ZMAT4: variants seen among roughly 807,000 people sequenced by gnomAD.
ZMAT4 encodes zinc finger matrin-type protein 4.
ZMAT4 carries 17 observed loss-of-function variants against 28.7 expected under a neutral mutation model. The observed-to-expected ratio is 0.59, with a 90% CI of 0.41 to 0.89. The LOEUF is 0.89. Among genes scored for constraint, ZMAT4 ranks in the 40% least tolerant of loss-of-function variants. The pLI, the probability that ZMAT4 is intolerant of heterozygous loss-of-function variation, is 0.00. For synonymous variants in ZMAT4, 117 were observed against 109.2 expected, an observed-to-expected ratio of 1.07 and a Z score of -0.44; for missense variants, 240 against 283.8, an observed-to-expected ratio of 0.85 and a Z score of 1.11.
At chr8:40,866,483 C>T (rs1817680956) in intron 1 of ZMAT4, among the ~76,000 whole-genome samples, 2 of 152,248 alleles carry the variant, frequency 1.3e-5, no homozygotes, top group South Asian at 2.1e-4. Flanking sequence ...CTTAATAACG[C>T]TGCCCTGATT....
At position 40,737,661 on chromosome 8, in the gene ZMAT4, G is replaced by A. The variant is rs111823174; in HGVS notation, c.192+29980C>T. On this transcript the variant is annotated intron_variant, in intron 3 of 6. Transcript: ENST00000297737. ...CATGTGAGCGGGACGTAAATGAGAT[G>A]AGAAGCCTGCGTAAACTTGCTCAAG... Among the ~76,000 whole-genome samples, 1,012 of 152,288 alleles carry A rather than the reference G, an allele frequency of 6.6e-3. 8 individuals carry two copies. The highest frequency in any genetic ancestry group is 0.023 in the African/African-American group (968 of 41,554).
chr8:40,858,556 C>T (rs73619271), intron 1 of ZMAT4, among the ~76,000 whole-genome samples: 1,738 of 152,300 alleles, frequency 0.011, 37 homozygotes, highest in African/African-American at 0.039. Context: ...AAGATGGCTT[C>T]ATTTCTTTGG....
At chr8:40,752,393 TG>T (rs1812488151) in intron 3 of ZMAT4, among the ~76,000 whole-genome samples, 1 of 152,214 alleles carries the variant, frequency 6.6e-6, no homozygotes, top group Non-Finnish European at 1.5e-5. Context: ...AACAAGAGTT[TG>T]CCCAGTCCCT....
At chr8:40,895,895 G>T (rs1818852649) in intron 1 of ZMAT4, among the ~76,000 whole-genome samples, 1 of 152,208 alleles carries the variant, frequency 6.6e-6, no homozygotes, top group African/African-American at 2.4e-5. Flanking sequence ...CCCTGGAGAG[G>T]CCACAGAGGA....
At chr8:40,534,000 C>T (rs753568631) in intron 6 of ZMAT4, among the ~76,000 whole-genome samples, 13 of 151,906 alleles carry the variant, frequency 8.6e-5, no homozygotes, top group Non-Finnish European at 1.6e-4. Context: ...AGCATCTTCA[C>T]GTAACAGTAA....
intron 1 of ZMAT4, among the ~76,000 whole-genome samples, chr8:40,855,968 G>A (rs898863628): frequency 3.3e-5 from 5 of 151,738 alleles, no homozygotes; most frequent in East Asian, 1.9e-4. Context: ...TGGGATTACC[G>A]GCATGAGCAA....
chr8:40,538,070 C>T (rs752766840), intron 6 of ZMAT4, among the ~76,000 whole-genome samples: 1 of 152,160 alleles, frequency 6.6e-6, no homozygotes, highest in Non-Finnish European at 1.5e-5. Flanking sequence ...CTGTTTCAGG[C>T]CATGATGGGA....
At chr8:40,647,133 C>T (rs569656730) in intron 5 of ZMAT4, among the ~76,000 whole-genome samples, 19 of 152,268 alleles carry the variant, frequency 1.2e-4, no homozygotes, top group East Asian at 1.2e-3. Context: ...ACGCAGAAGA[C>T]GGGTGATTTC....
rs571517480 is a variant in ZMAT4, at chr8:40,797,370, G to A, written c.102+28205C>T. Among the ~76,000 whole-genome samples the A allele has an allele frequency of 1.1e-4, 17 of 152,186 alleles. 1 individual carries two copies. In the South Asian group the frequency reaches 3.1e-3, roughly 28 times the overall value. ...TCCATGCCATTACCCAGACAGTGCC[G>A]ACATTACTGCCCATCCTGCGTGCTG... On this transcript the variant is annotated intron_variant, in intron 2 of 6. Coordinates refer to ENST00000297737, the MANE Select transcript of ZMAT4 (RefSeq NM_024645.3).
chr8:40,744,958 G>A (rs535415435), intron 3 of ZMAT4, among the ~76,000 whole-genome samples: 1 of 152,300 alleles, frequency 6.6e-6, no homozygotes, highest in East Asian at 1.9e-4. Flanking sequence ...ACATAAGAAA[G>A]GCAATTCTGT....
rs756742548 is a variant in ZMAT4, at chr8:40,612,500, C to T, written c.578-31239G>A. Among the ~76,000 whole-genome samples the T allele has an allele frequency of 5.1e-5, 7 of 137,796 alleles. 1 individual carries two copies. Among genetic ancestry groups the T allele is most frequent in the Non-Finnish European group, 1.2e-4 (7 of 59,318 alleles). 90.4% of individuals were successfully genotyped at this position (137,796 alleles called of 152,430 possible). A position where few individuals can be genotyped will look rare whatever the true frequency, so the allele number is the denominator to read the frequency against. On this transcript the variant is annotated intron_variant, in intron 5 of 6. Transcript: ENST00000297737. Reference sequence around the variant, plus strand: ...AGTGTGTATTCCTCAAGTTCCTGTGCTTTGTTTGCTTTTCTTCTTGCTCTT... The same window carrying T: ...AGTGTGTATTCCTCAAGTTCCTGTGTTTTGTTTGCTTTTCTTCTTGCTCTT...
At chr8:40,673,724 C>T (rs1808782858) in intron 5 of ZMAT4, among the ~76,000 whole-genome samples, 1 of 152,178 alleles carries the variant, frequency 6.6e-6, no homozygotes, top group South Asian at 2.1e-4. Context: ...ATAAAATATT[C>T]TATTTAGTCC....
intron 2 of ZMAT4, among the ~76,000 whole-genome samples, chr8:40,784,952 A>G (rs1437511294): frequency 6.6e-6 from 1 of 152,252 alleles, no homozygotes; most frequent in Non-Finnish European, 1.5e-5. Flanking sequence ...TTTAACTTGT[A>G]CAAGTACACA....
intron 2 of ZMAT4, among the ~76,000 whole-genome samples, chr8:40,803,071 C>A (rs1300471128): frequency 6.6e-6 from 1 of 152,040 alleles, no homozygotes; most frequent in Non-Finnish European, 1.5e-5. Context: ...CAAAAAGGAA[C>A]ACAAAATGAG....
chr8:40,787,240 C>T (rs1814124453), intron 2 of ZMAT4, among the ~76,000 whole-genome samples: 2 of 152,140 alleles, frequency 1.3e-5, no homozygotes, highest in African/African-American at 2.4e-5. Context: ...AAGAACAGTA[C>T]GGCAGTCTTC....
At chr8:40,808,930 A>G (rs1236024592) in intron 2 of ZMAT4, among the ~76,000 whole-genome samples, 3 of 152,020 alleles carry the variant, frequency 2.0e-5, no homozygotes, top group South Asian at 2.1e-4. Context: ...GGCATTTGGT[A>G]GAATGATTTA....
intron 3 of ZMAT4, among the ~76,000 whole-genome samples, chr8:40,761,309 T>A (rs1161992529): frequency 6.6e-6 from 1 of 152,138 alleles, no homozygotes; most frequent in Non-Finnish European, 1.5e-5. Context: ...AAAGGGGCTT[T>A]CTAAATAAAT....
chr8:40,686,919 G>A (rs1809434380), intron 4 of ZMAT4, among the ~76,000 whole-genome samples: 1 of 152,006 alleles, frequency 6.6e-6, no homozygotes, highest in Non-Finnish European at 1.5e-5. Flanking sequence ...CCTAACTGCT[G>A]CCCTGTGTTC....
intron 1 of ZMAT4, among the ~76,000 whole-genome samples, chr8:40,897,076 G>A (rs1818903160): frequency 6.6e-6 from 1 of 150,986 alleles, no homozygotes; most frequent in South Asian, 2.1e-4. Context: ...CTGTTTTGCT[G>A]GCGTGTCACC....
Sources: allele counts gnomAD v4.1 joint callset (sites outside exome capture counted in the v4.1 genomes callset), GRCh38; gene constraint gnomAD v4.1.1; transcripts MANE v1.5; gene names NCBI Gene and HGNC (gene_info 2026-07-23, HGNC 2026-07-21).